The following ZFHX4 variants were observed in gnomAD, a reference collection of about 807,000 sequenced individuals.
ZFHX4 encodes the protein zinc finger homeobox 4, also known as zinc finger homeobox protein 4.
Under a neutral mutation model 267.6 loss-of-function variants are expected in ZFHX4, and 56 were observed. That is an observed-to-expected ratio of 0.21 (90% CI 0.17 to 0.26). ZFHX4 has a LOEUF of 0.26. Among genes scored for constraint, ZFHX4 ranks in the 10% least tolerant of loss-of-function variants. The pLI, the probability that ZFHX4 is intolerant of heterozygous loss-of-function variation, is 1.00. For synonymous variants in ZFHX4, 1,778 were observed against 1,665.6 expected, an observed-to-expected ratio of 1.07 and a Z score of -1.64; for missense variants, 4,332 against 4,420.0, an observed-to-expected ratio of 0.98 and a Z score of 0.56.
At chr8:76,788,245 A>G (rs1336277929) in intron 4 of ZFHX4, among the ~76,000 whole-genome samples, 1 of 152,120 alleles carries the variant, frequency 6.6e-6, no homozygotes, top group Non-Finnish European at 1.5e-5. Flanking sequence ...TTTATGTGTT[A>G]TCCGTATTTC....
Position 76,692,144 on chromosome 8 carries a change from AT to A in ZFHX4, c.-47+10533del, listed in dbSNP as rs775292293. ...GTATTTAATGCATTTCTGAATCTTC[AT>A]TTTTTTTTAAGAAGCAAATTAGGAC... On this transcript the variant is annotated intron_variant, in intron 1 of 10. Coordinates refer to ENST00000651372, the MANE Select transcript of ZFHX4 (RefSeq NM_024721.5). 3.8e-4 allele frequency among the ~76,000 whole-genome samples: 58 copies of A among 151,228 alleles called. No homozygotes were observed. The East Asian group carries it at 5.8e-3, about 15-fold the overall frequency.
chr8:76,806,667 G>A (rs989434718), intron 4 of ZFHX4, among the ~76,000 whole-genome samples: 4 of 151,834 alleles, frequency 2.6e-5, no homozygotes, highest in Non-Finnish European at 5.9e-5. Context: ...TTTGTTACAT[G>A]GATTTATAGC....
At chr8:76,779,568 C>T (rs774492615) in intron 4 of ZFHX4, among the ~76,000 whole-genome samples, 11 of 152,048 alleles carry the variant, frequency 7.2e-5, no homozygotes, top group Non-Finnish European at 1.3e-4. Context: ...ATGGCAAACC[C>T]GGACCAATGA....
intron 3 of ZFHX4, among the ~76,000 whole-genome samples, chr8:76,715,596 G>A (rs185446841): frequency 6.7e-6 from 1 of 149,330 alleles, no homozygotes. Flanking sequence ...GGAAACCTCT[G>A]TAAATTCAAT....
chr8:76,840,948 G>A (rs148362370), intron 5 of ZFHX4, among the ~76,000 whole-genome samples: 100 of 152,246 alleles, frequency 6.6e-4, no homozygotes, highest in African/African-American at 2.3e-3. Context: ...TATCACTGAC[G>A]GGTGAAAGCA....
chr8:76,744,378 G>A (rs1809401683), intron 3 of ZFHX4, among the ~76,000 whole-genome samples: 2 of 151,936 alleles, frequency 1.3e-5, no homozygotes, highest in Admixed American at 6.6e-5. Flanking sequence ...TACAATGATG[G>A]TAACAACAAA....
At chr8:76,781,150 T>TAAA (rs1300159741) in intron 4 of ZFHX4, among the ~76,000 whole-genome samples, 1 of 152,134 alleles carries the variant, frequency 6.6e-6, no homozygotes, top group African/African-American at 2.4e-5. Context: ...TTTTGCTTTT[T>TAAA]AAGGAGAGTT....
At chr8:76,735,844 C>T (rs1231680369) in intron 3 of ZFHX4, among the ~76,000 whole-genome samples, 1 of 152,038 alleles carries the variant, frequency 6.6e-6, no homozygotes, top group East Asian at 1.9e-4. Context: ...AATTTGCTTT[C>T]TTTCAAGGTA....
intron 8 of ZFHX4, 53 bp downstream of exon 8, chr8:76,849,765 C>T: frequency 1.3e-6 from 2 of 1,502,718 alleles, no homozygotes; most frequent in African/African-American, 2.8e-5. Flanking sequence ...TCAGGAATAT[C>T]AATATAAAAT....
At chr8:76,747,187 C>G (rs1228483408) in intron 3 of ZFHX4, among the ~76,000 whole-genome samples, 3 of 152,028 alleles carry the variant, frequency 2.0e-5, no homozygotes, top group African/African-American at 7.2e-5. Flanking sequence ...GTATTTGGTT[C>G]TCAAGAGATA....
chr8:76,855,110 T>C lies in ZFHX4; in HGVS notation c.8189T>C (p.Phe2730Ser). The change falls in exon 10 of 11, where the codon TTT (phenylalanine) becomes TCT (serine). Residue 2730 changes from phenylalanine to serine, a missense_variant. Physicochemically the swap from Phe to Ser is radical, Grantham distance 155. This residue lies in a region of ZFHX4 where 1,648 missense variants were observed against 1,625.0 expected (regional missense o/e 1.01). Transcript: ENST00000651372. ...GGESPQKYIYFDYPSLPLTKI... is the reference protein window; with the variant it reads ...GGESPQKYIYSDYPSLPLTKI... ...GAAAGCCCACAGAAATACATCTATT[T>C]TGATTACCCATCTTTGCCATTAACT... 6.2e-7 allele frequency: 1 copy of C among 1,613,818 alleles called. No homozygotes were observed. The highest frequency in any genetic ancestry group is 1.1e-5 in the South Asian group (1 of 91,080).
chr8:76,752,508 A>G (rs967586311), intron 3 of ZFHX4, among the ~76,000 whole-genome samples: 57 of 150,010 alleles, frequency 3.8e-4, no homozygotes, highest in South Asian at 6.3e-4. Flanking sequence ...AAAAAAAAAA[A>G]AGAAAAAAGA....
At chr8:76,751,753 A>G (rs1442329365) in intron 3 of ZFHX4, among the ~76,000 whole-genome samples, 1 of 152,186 alleles carries the variant, frequency 6.6e-6, no homozygotes, top group East Asian at 1.9e-4. Context: ...CATTCTGGTT[A>G]GAATATTGAC....
intron 3 of ZFHX4, among the ~76,000 whole-genome samples, chr8:76,758,596 G>A (rs998471171): frequency 2.0e-5 from 3 of 152,136 alleles, no homozygotes; most frequent in Non-Finnish European, 4.4e-5. Flanking sequence ...CCAGGCTTTA[G>A]CAATCCTCCA....
intron 5 of ZFHX4, among the ~76,000 whole-genome samples, chr8:76,837,059 G>A (rs1283079499): frequency 6.6e-6 from 1 of 151,972 alleles, no homozygotes; most frequent in African/African-American, 2.4e-5. Context: ...TCTGATTTTG[G>A]CATACTAAAC....
At chr8:76,753,137 T>C (rs1809665683) in intron 3 of ZFHX4, among the ~76,000 whole-genome samples, 1 of 152,182 alleles carries the variant, frequency 6.6e-6, no homozygotes, top group African/African-American at 2.4e-5. Context: ...TATCCATAAG[T>C]CAACAACATA....
intron 3 of ZFHX4, among the ~76,000 whole-genome samples, chr8:76,719,244 A>G (rs1808657679): frequency 6.6e-6 from 1 of 151,484 alleles, no homozygotes; most frequent in African/African-American, 2.4e-5. Flanking sequence ...ATGTATTAAA[A>G]TTGATGAAGA....
intron 7 of ZFHX4, 81 bp from the exon 8 acceptor site, chr8:76,849,431 G>T: frequency 7.6e-7 from 1 of 1,310,586 alleles, no homozygotes; most frequent in Non-Finnish European, 1.1e-6. Context: ...AATATCACAC[G>T]TACCCCCAAA....
rs746105394 is a variant in ZFHX4 at position 76,704,913 on chromosome 8, A to G, written c.825A>G (p.Lys275=). The change falls in exon 2 of 11, where the codon AAA becomes AAG. Residue 275 remains lysine (K), a synonymous_variant. Coordinates refer to ENST00000651372, the MANE Select transcript of ZFHX4 (RefSeq NM_024721.5). The part of the protein sequence containing the change: ...FDGCVSDGKR[K]PVLMCFLCKL... ...GTTGTGTTAGCGATGGGAAAAGGAA[A>G]CCTGTTTTAATGTGTTTCTTGTGCA... 1.9e-6 allele frequency: 3 copies of G among 1,613,964 alleles called. No homozygotes were observed. The highest frequency in any genetic ancestry group is 2.5e-6 in the Non-Finnish European group (3 of 1,179,968).
Sources: allele counts gnomAD v4.1 joint callset (sites outside exome capture counted in the v4.1 genomes callset), GRCh38; gene constraint gnomAD v4.1.1; regional missense constraint gnomAD v4.1.1; transcripts MANE v1.5; gene names NCBI Gene and HGNC (gene_info 2026-07-23, HGNC 2026-07-21).